The following NUDCD3 variants were observed in gnomAD, a reference collection of about 807,000 sequenced individuals.
NUDCD3 encodes the protein NudC domain containing 3.
Under a neutral mutation model 39.7 loss-of-function variants are expected in NUDCD3, and 13 were observed. The ratio of observed to expected loss-of-function variants is 0.33; its 90% confidence interval spans 0.21 to 0.52. The LOEUF (loss-of-function observed/expected upper bound fraction) is 0.52, where lower values mean the gene tolerates loss of function less well. NUDCD3 is among the 20% of genes least tolerant of loss of function. The pLI is 0.96. For missense variants in NUDCD3, 453 were observed against 458.1 expected (o/e 0.99, Z 0.10); for synonymous variants, 175 against 172.4 (o/e 1.02, Z -0.12).
At chr7:44,407,425 C>T (rs761705724) in intron 3 of NUDCD3, among the ~76,000 whole-genome samples, 15 of 151,710 alleles carry the variant, frequency 9.9e-5, no homozygotes, top group Admixed American at 5.2e-4. Flanking sequence ...ATTAGCCAGG[C>T]GTGGTGTTGT....
At chr7:44,388,465 T>C (rs1199486156) in intron 5 of NUDCD3, among the ~76,000 whole-genome samples, 1 of 152,214 alleles carries the variant, frequency 6.6e-6, no homozygotes, top group African/African-American at 2.4e-5. Flanking sequence ...TCTAGGTGTT[T>C]CCTCATTTGA....
rs147734736 is a variant in NUDCD3, at chr7:44,392,465, G to A, written c.807C>T (p.Gly269=). The A allele has an allele frequency of 5.1e-5, 82 of 1,613,824 alleles. No homozygotes were observed. Among genetic ancestry groups the A allele is most frequent in the Middle Eastern group, 3.3e-4 (2 of 6,082 alleles). ...KCVLVNLSKV[G]EYWWNAILEG... ...CCAGGATGGCGTTCCACCAATACTC[G>A]CCCACCTTGCTCAGGTTCACCTGGG... The change falls in exon 5 of 6, where the codon GGC becomes GGT. Residue 269 remains glycine, a synonymous_variant. Transcript: ENST00000355451.
At chr7:44,412,926 C>CAAAAA (rs767754442) in intron 3 of NUDCD3, among the ~76,000 whole-genome samples, 34 of 43,862 alleles carry the variant, frequency 7.8e-4, no homozygotes, top group African/African-American at 1.2e-3. Flanking sequence ...GACGCCGTCT[C>CAAAAA]AAAAAAAAAA....
Position 44,386,173 on chromosome 7 carries a change from T to C in NUDCD3, c.976-52A>G, listed in dbSNP as rs1047884547. 4.4e-6 allele frequency: 7 copies of C among 1,593,450 alleles called. No individual in the cohort carries two copies. In the Middle Eastern group the frequency reaches 6.6e-4, roughly 151 times the overall value. On this transcript the variant is annotated intron_variant, in intron 5 of 5. Transcript: ENST00000355451. Reference sequence around the variant, plus strand: ...AGGGGATCACAACGCACTGTGTACTTTCTCCCAGAGCAGACTCTGACTGCA... The same window carrying C: ...AGGGGATCACAACGCACTGTGTACTCTCTCCCAGAGCAGACTCTGACTGCA...
chr7:44,381,876 A>G lies in NUDCD3; in HGVS notation c.*4135T>C, dbSNP rs1224730140. ...GGTTTACCCAGAAAGCCCAGCGCAT[A>G]CCCCCAGAGTGTTCTGGCAGACCTG... On this transcript the variant is annotated 3_prime_UTR_variant, in exon 6 of 6. Transcript: ENST00000355451. 1 of 152,030 alleles carries G rather than the reference A, an allele frequency of 6.6e-6. No individual in the cohort carries two copies. 9.4% of individuals were successfully genotyped at this position (152,030 alleles called of 1,614,324 possible). A position where few individuals can be genotyped will look rare whatever the true frequency, so the allele number is the denominator to read the frequency against.
intron 5 of NUDCD3, 86 bp from the exon 6 acceptor site, chr7:44,386,207 G>T: frequency 7.0e-7 from 1 of 1,438,614 alleles, no homozygotes; most frequent in Non-Finnish European, 9.6e-7. Flanking sequence ...CAGGTAGAGA[G>T]CCTTCTTGCT....
intron 3 of NUDCD3, among the ~76,000 whole-genome samples, chr7:44,409,393 G>A (rs560713256): frequency 3.3e-5 from 5 of 152,310 alleles, no homozygotes; most frequent in African/African-American, 1.2e-4. Flanking sequence ...ACCAAGTACA[G>A]ATTTCACTGG....
rs777742288 is a variant in NUDCD3 at position 44,404,440 on chromosome 7, C to T, written c.786G>A (p.Leu262=). Residue 262 remains leucine, a splice_region_variant and synonymous_variant, in exon 4 of 6, where the codon TTG becomes TTA. Transcript: ENST00000355451. ...CCTACACACAGGTGCCCAAACTTAC[C>T]AAAACGCACTTCCCGGGCTCGAGAC... The part of the protein sequence containing the change: ...LWSLEPGKCV[L]VNLSKVGEYW... 2 of 1,613,204 alleles carry T rather than the reference C, an allele frequency of 1.2e-6. No individual in the cohort carries two copies. The highest frequency in any genetic ancestry group is 1.7e-6 in the Non-Finnish European group (2 of 1,179,576).
intron 3 of NUDCD3, among the ~76,000 whole-genome samples, chr7:44,413,821 G>C (rs748890158): frequency 6.6e-6 from 1 of 152,172 alleles, no homozygotes. Context: ...GGGAGACCAA[G>C]GTAAATGGAC....
At chr7:44,436,163 T>C (rs953013304) in intron 2 of NUDCD3, among the ~76,000 whole-genome samples, 3 of 152,230 alleles carry the variant, frequency 2.0e-5, no homozygotes, top group Non-Finnish European at 4.4e-5. Flanking sequence ...GGGTATTAGA[T>C]GATTTTAAGG....
rs1444404511 is a variant in NUDCD3, at chr7:44,380,170, G to A, written c.*5841C>T. The A allele has an allele frequency of 6.6e-6, 1 of 152,212 alleles. No individual in the cohort carries two copies. The highest frequency in any genetic ancestry group is 6.5e-5 in the Admixed American group (1 of 15,286). The allele number at this position is 152,212 out of a possible 1,614,324, so 9.4% of individuals were successfully genotyped here. ...TCCTCACCTGGCTGGTCAGGCCAGG[G>A]AGGACAAGCTGTGGACCTAACAGGT... On this transcript the variant is annotated 3_prime_UTR_variant, in exon 6 of 6. Coordinates refer to ENST00000355451, the MANE Select transcript of NUDCD3 (RefSeq NM_015332.4).
intron 2 of NUDCD3, among the ~76,000 whole-genome samples, chr7:44,428,032 G>C (rs886706746): frequency 1.3e-5 from 2 of 150,826 alleles, no homozygotes; most frequent in Non-Finnish European, 2.9e-5. Flanking sequence ...TGAGATCCAG[G>C]CCTGTTAATT....
chr7:44,415,587 C>T (rs1269228303), intron 3 of NUDCD3, among the ~76,000 whole-genome samples: 1 of 152,152 alleles, frequency 6.6e-6, no homozygotes, highest in Non-Finnish European at 1.5e-5. Context: ...TCTCCTACTA[C>T]CCTTGAGAGA....
In NUDCD3 at chr7:44,427,619, G is replaced by T; in HGVS notation, c.594C>A (p.Asp198Glu). ...ENYTWSQDYT[D>E]LEVRVPVPKH... ...TGGGTACTGGCACCCTGACCTCCAG[G>T]TCAGTATAGTCCTGTGACCAGGTGT... Residue 198 changes from aspartate to glutamate, a missense_variant, in exon 3 of 6, where the codon GAC becomes GAA. Coordinates refer to ENST00000355451, the MANE Select transcript of NUDCD3 (RefSeq NM_015332.4). 2 of 1,613,750 alleles carry T rather than the reference G, an allele frequency of 1.2e-6. No individual in the cohort carries two copies. Among genetic ancestry groups the T allele is most frequent in the Non-Finnish European group, 1.7e-6 (2 of 1,179,818 alleles).
chr7:44,409,596 A>G (rs765957095), intron 3 of NUDCD3, among the ~76,000 whole-genome samples: 5 of 152,114 alleles, frequency 3.3e-5, no homozygotes, highest in Non-Finnish European at 5.9e-5. Context: ...AAGAAACAAC[A>G]AAGTATGGCC....
chr7:44,443,898 G>A (rs1303243140), intron 2 of NUDCD3, among the ~76,000 whole-genome samples: 1 of 152,118 alleles, frequency 6.6e-6, no homozygotes, highest in African/African-American at 2.4e-5. Context: ...ATGAGCACCA[G>A]CCTCCTCTCA....
At chr7:44,483,094 G>A (rs1031619556) in intron 2 of NUDCD3, among the ~76,000 whole-genome samples, 1 of 152,124 alleles carries the variant, frequency 6.6e-6, no homozygotes, top group Non-Finnish European at 1.5e-5. Flanking sequence ...GTGTATGTGT[G>A]TGTGTGCTCA....
chr7:44,397,856 G>A (rs1462868832), intron 4 of NUDCD3, among the ~76,000 whole-genome samples: 2 of 151,922 alleles, frequency 1.3e-5, no homozygotes, highest in African/African-American at 4.8e-5. Flanking sequence ...TACGGAACAG[G>A]GTCCAGTCCA....
chr7:44,443,986 A>G (rs968736666), intron 2 of NUDCD3, among the ~76,000 whole-genome samples: 2 of 152,250 alleles, frequency 1.3e-5, no homozygotes, highest in East Asian at 1.9e-4. Flanking sequence ...AAATTCTCAT[A>G]AAAGTGAGAT....
Sources: gnomAD v4.1 joint callset for allele counts (sites outside exome capture counted in the v4.1 genomes callset) on GRCh38, gnomAD v4.1.1 for gene constraint, MANE v1.5 for transcripts, NCBI Gene and HGNC (gene_info 2026-07-23, HGNC 2026-07-21) for gene names.